Variants in LRMDA observed in about 807,000 individuals in gnomAD.
The protein encoded by LRMDA is leucine rich melanocyte differentiation associated.
LRMDA carries 18 observed loss-of-function variants against 29.8 expected under a neutral mutation model. The observed-to-expected ratio is 0.60, with a 90% CI of 0.42 to 0.90. LRMDA has a LOEUF of 0.90. Ranked by LOEUF, LRMDA falls within the 40% of genes least tolerant of loss-of-function variation. The probability of loss-of-function intolerance (pLI) is 0.00; values close to 1 mark genes in which losing one functional copy is unlikely to be tolerated. For missense variants in LRMDA, 273 were observed against 273.9 expected, an observed-to-expected ratio of 1.00 and a Z score of 0.02; for synonymous variants, 125 against 109.4, an observed-to-expected ratio of 1.14 and a Z score of -0.89.
At chr10:75,650,201 G>A (rs1841579457) in intron 2 of LRMDA, among the ~76,000 whole-genome samples, 1 of 152,162 alleles carries the variant, frequency 6.6e-6, no homozygotes, top group South Asian at 2.1e-4. Flanking sequence ...CAAATCCAGT[G>A]TCATGAAGCT....
intron 2 of LRMDA, among the ~76,000 whole-genome samples, chr10:75,639,141 A>C (rs1227894087): frequency 6.6e-6 from 1 of 152,222 alleles, no homozygotes; most frequent in Non-Finnish European, 1.5e-5. Context: ...TGAGAGTACC[A>C]TTTTGCGTTC....
intron 5 of LRMDA, among the ~76,000 whole-genome samples, chr10:76,243,641 CT>C (rs1368234990): frequency 6.6e-6 from 1 of 152,184 alleles, no homozygotes; most frequent in Admixed American, 6.5e-5. Context: ...GGCTGTGTTT[CT>C]CTGTACTGTG....
At chr10:75,716,218 A>G (rs1292741265) in intron 2 of LRMDA, among the ~76,000 whole-genome samples, 1 of 152,206 alleles carries the variant, frequency 6.6e-6, no homozygotes, top group East Asian at 1.9e-4. Context: ...TGAGGATACT[A>G]AAGCTTAGAA....
intron 6 of LRMDA, among the ~76,000 whole-genome samples, chr10:76,520,493 A>G (rs1472191373): frequency 6.6e-6 from 1 of 152,194 alleles, no homozygotes; most frequent in African/African-American, 2.4e-5. Context: ...TCTAAAGTTA[A>G]AAATAAAAAC....
intron 6 of LRMDA, among the ~76,000 whole-genome samples, chr10:76,514,894 C>A (rs1037050520): frequency 1.2e-4 from 19 of 152,152 alleles, no homozygotes; most frequent in African/African-American, 4.3e-4. Flanking sequence ...TGTTCAAGTA[C>A]AATTGGTACT....
At chr10:76,219,974 T>C (rs1851799960) in intron 5 of LRMDA, among the ~76,000 whole-genome samples, 1 of 152,142 alleles carries the variant, frequency 6.6e-6, no homozygotes. Flanking sequence ...CACTCAAAAC[T>C]GCTCAACTAC....
In LRMDA at chr10:76,058,557, A is replaced by G. The variant is rs139344494; in HGVS notation, c.399-109A>G. 6 of 881,710 alleles carry G rather than the reference A, an allele frequency of 6.8e-6. No individual in the cohort carries two copies. The African/African-American group carries it at 9.9e-5, about 15-fold the overall frequency. The allele number at this position is 881,710 out of a possible 1,614,324, so 54.6% of individuals were successfully genotyped here. On this transcript the variant is annotated intron_variant, in intron 4 of 6. Coordinates refer to ENST00000611255, the MANE Select transcript of LRMDA (RefSeq NM_001305581.2). ...AAGAGAGGAGGCGCAGCCAAGGTCT[A>G]AGTTCCAGAAGACCGGATGGTGTGG...
chr10:75,946,356 C>T (rs1846475912), intron 2 of LRMDA, among the ~76,000 whole-genome samples: 1 of 152,356 alleles, frequency 6.6e-6, no homozygotes, highest in East Asian at 1.9e-4. Context: ...TTCCTGAACT[C>T]TGTCCTGTCA....
intron 2 of LRMDA, among the ~76,000 whole-genome samples, chr10:75,575,563 A>G (rs527378337): frequency 9.9e-5 from 15 of 152,250 alleles, no homozygotes; most frequent in Admixed American, 2.0e-4. Flanking sequence ...AAGGGCAGTC[A>G]TTAAATCTTA....
intron 2 of LRMDA, among the ~76,000 whole-genome samples, chr10:75,732,008 G>A (rs1470421187): frequency 1.3e-5 from 2 of 152,086 alleles, no homozygotes; most frequent in Non-Finnish European, 2.9e-5. Context: ...TTTTTATAGT[G>A]ACTAAGTATT....
chr10:75,685,010 A>G (rs552379397), intron 2 of LRMDA, among the ~76,000 whole-genome samples: 11 of 152,348 alleles, frequency 7.2e-5, no homozygotes, highest in Non-Finnish European at 1.5e-4. Flanking sequence ...AACAGGGGCA[A>G]TGATTTCTTT....
At chr10:76,030,084 G>A (rs550140933) in intron 2 of LRMDA, among the ~76,000 whole-genome samples, 9 of 152,224 alleles carry the variant, frequency 5.9e-5, no homozygotes, top group South Asian at 4.2e-4. Context: ...TAGAAATGGC[G>A]TCTTACTATG....
intron 2 of LRMDA, among the ~76,000 whole-genome samples, chr10:75,889,201 A>T (rs957722820): frequency 1.3e-5 from 2 of 152,200 alleles, no homozygotes; most frequent in Admixed American, 1.3e-4. Flanking sequence ...CCTGCCTAGT[A>T]AAGAATATGA....
At chr10:75,637,082 A>G (rs1841398517) in intron 2 of LRMDA, among the ~76,000 whole-genome samples, 5 of 152,222 alleles carry the variant, frequency 3.3e-5, no homozygotes. Context: ...GAGCAATTTG[A>G]GGTTCTACAG....
At chr10:76,311,834 T>C (rs964004619) in intron 5 of LRMDA, among the ~76,000 whole-genome samples, 21 of 152,308 alleles carry the variant, frequency 1.4e-4, no homozygotes, top group African/African-American at 4.6e-4. Context: ...ATAGCCACAG[T>C]TGAACAGTTA....
At chr10:76,524,279 A>G (rs1317405597) in intron 6 of LRMDA, among the ~76,000 whole-genome samples, 2 of 152,228 alleles carry the variant, frequency 1.3e-5, no homozygotes, top group Non-Finnish European at 2.9e-5. Context: ...CTGACGTGTC[A>G]TTGGAAATGA....
Position 76,137,357 on chromosome 10 carries a change from A to G in LRMDA, c.516+78574A>G, listed in dbSNP as rs546701282. On this transcript the variant is annotated intron_variant, in intron 5 of 6. Transcript: ENST00000611255. ...CCTTGGCTGTAAACAGTGTTGAATA[A>G]TTAATCTCACTTGATGAGGTCTTAC... is the stretch of plus-strand genomic sequence containing the variant. Among the ~76,000 whole-genome samples, 4 of 152,330 alleles carry G rather than the reference A, an allele frequency of 2.6e-5. No homozygotes were observed. In the East Asian group the frequency reaches 7.7e-4, roughly 29 times the overall value.
chr10:75,769,331 G>T (rs1843207979), intron 2 of LRMDA, among the ~76,000 whole-genome samples: 1 of 152,168 alleles, frequency 6.6e-6, no homozygotes, highest in African/African-American at 2.4e-5. Flanking sequence ...TCTCTTAATT[G>T]CAACATGTTC....
chr10:75,770,650 A>C (rs758148725), intron 2 of LRMDA, among the ~76,000 whole-genome samples: 4 of 152,160 alleles, frequency 2.6e-5, no homozygotes, highest in Non-Finnish European at 5.9e-5. Flanking sequence ...AAATAAAACC[A>C]TATTGGCCTT....
Sources: gnomAD v4.1 joint callset for allele counts (sites outside exome capture counted in the v4.1 genomes callset) on GRCh38, gnomAD v4.1.1 for gene constraint, MANE v1.5 for transcripts, NCBI Gene and HGNC (gene_info 2026-07-23, HGNC 2026-07-21) for gene names.